Variants in MORC1 observed in about 807,000 individuals in gnomAD.
MORC1 encodes MORC family CW-type zinc finger 1, also known as MORC family CW-type zinc finger protein 1.
MORC1 carries 59 observed loss-of-function variants against 134.9 expected under a neutral mutation model. The ratio of observed to expected loss-of-function variants is 0.44; its 90% CI spans 0.35 to 0.54. The LOEUF is 0.54. MORC1 is among the 20% of genes least tolerant of loss of function. The pLI is 0.00. For missense variants in MORC1, 947 were observed against 1,134.5 expected, an observed-to-expected ratio of 0.83 and a Z score of 2.37; for synonymous variants, 395 against 391.7, an observed-to-expected ratio of 1.01 and a Z score of -0.10.
At chr3:108,971,021 A>C (rs1465392714) in intron 25 of MORC1, among the ~76,000 whole-genome samples, 1 of 152,184 alleles carries the variant, frequency 6.6e-6, no homozygotes, top group Non-Finnish European at 1.5e-5. Context: ...CATAAGAAGC[A>C]GCTGAGGAGA....
intron 17 of MORC1, among the ~76,000 whole-genome samples, chr3:109,020,147 C>CAAACA (rs921286189): frequency 9.9e-5 from 15 of 152,126 alleles, no homozygotes; most frequent in African/African-American, 2.9e-4. Context: ...ACCTCAGGCT[C>CAAACA]AAACAAAACA....
At chr3:109,100,294 C>T in intron 5 of MORC1, 123 bp downstream of exon 5, 4 of 745,020 alleles carry the variant, frequency 5.4e-6, no homozygotes, top group South Asian at 5.0e-5. Flanking sequence ...AAGTAGGTCA[C>T]CCCTGCCTCA....
At chr3:109,029,662 C>A (rs1949190453) in intron 16 of MORC1, among the ~76,000 whole-genome samples, 11 of 152,150 alleles carry the variant, frequency 7.2e-5, no homozygotes, top group Admixed American at 7.2e-4. Flanking sequence ...TATAGCCTCC[C>A]TCTGTGCTTG....
At chr3:108,987,809 G>T (rs1336687492) in intron 21 of MORC1, among the ~76,000 whole-genome samples, 2 of 151,966 alleles carry the variant, frequency 1.3e-5, no homozygotes, top group Non-Finnish European at 2.9e-5. Flanking sequence ...TGCCTGCGGG[G>T]AAAGACACCC....
chr3:109,069,426 G>A (rs1375095952), intron 9 of MORC1, among the ~76,000 whole-genome samples: 1 of 152,152 alleles, frequency 6.6e-6, no homozygotes, highest in Non-Finnish European at 1.5e-5. Context: ...AACTTAGCAT[G>A]CTCACTGCAG....
intron 14 of MORC1, among the ~76,000 whole-genome samples, chr3:109,051,668 ATATG>A (rs932570992): frequency 3.0e-4 from 45 of 152,170 alleles, no homozygotes; most frequent in Non-Finnish European, 6.0e-4. Flanking sequence ...TGGGAAAACA[ATATG>A]TTATCAAACA....
rs1365032068 is a variant in MORC1 at position 108,995,973 on chromosome 3, A to G, written c.2187+4584T>C. Among the ~76,000 whole-genome samples, 5 of 152,148 alleles carry G rather than the reference A, an allele frequency of 3.3e-5. No homozygotes were observed. The East Asian group carries it at 9.6e-4, about 29-fold the overall frequency. Reference sequence around the variant, plus strand: ...CAAGTGGAATGGGGTGATTGAATTCATGTAGGGGACAGTTATGAAGGTGGG... The same window carrying G: ...CAAGTGGAATGGGGTGATTGAATTCGTGTAGGGGACAGTTATGAAGGTGGG... On this transcript the variant is annotated intron_variant, in intron 21 of 27. Coordinates refer to ENST00000232603, the MANE Select transcript of MORC1 (RefSeq NM_014429.4).
chr3:109,040,353 T>TGAAAGAATGAAAGAAAGAAA (rs1553753592), intron 14 of MORC1, among the ~76,000 whole-genome samples: 23 of 28,226 alleles, frequency 8.1e-4, no homozygotes, highest in South Asian at 3.7e-3. Flanking sequence ...CTCAAAGAAC[T>TGAAAGAATGAAAGAAAGAAA]GAAAGAAAGA....
chr3:108,997,009 CAAAAAAAAAAAAAA>C (rs36087713), intron 21 of MORC1, among the ~76,000 whole-genome samples: 2 of 31,542 alleles, frequency 6.3e-5, no homozygotes, highest in African/African-American at 1.2e-4. Flanking sequence ...GACTCTGTCT[CAAAAAAAAAAAAAA>C]AAAAAAAAAA....
chr3:109,002,265 G>A (rs1472469764), intron 20 of MORC1, among the ~76,000 whole-genome samples: 6 of 152,220 alleles, frequency 3.9e-5, no homozygotes, highest in South Asian at 2.1e-4. Context: ...AAAACACAAC[G>A]CAGTCAGGCA....
intron 15 of MORC1, 151 bp from the exon 16 acceptor site, chr3:109,032,976 TC>T (rs1576655621): frequency 1.6e-6 from 1 of 631,694 alleles, no homozygotes; most frequent in East Asian, 2.9e-5. Flanking sequence ...TGATGACACA[TC>T]TATTCTAGGG....
At chr3:108,986,992 G>C in intron 21 of MORC1, 43 bp from the exon 22 acceptor site, 1 of 1,433,888 alleles carries the variant, frequency 7.0e-7, no homozygotes. Context: ...AAAAACATAG[G>C]ACATATTATA....
chr3:108,964,784 C>G (rs1947173005), intron 26 of MORC1, among the ~76,000 whole-genome samples: 1 of 152,156 alleles, frequency 6.6e-6, no homozygotes, highest in African/African-American at 2.4e-5. Context: ...ACATAAGGAC[C>G]TTGTGCCCCC....
chr3:108,986,834 A>G, intron 22 of MORC1, 46 bp downstream of exon 22: 1 of 1,305,508 alleles, frequency 7.7e-7, no homozygotes, highest in Non-Finnish European at 1.0e-6. Context: ...AATGTCTCAA[A>G]CATTATAGCT....
In MORC1 at chr3:109,028,529, G is replaced by A. The variant is rs148587188; in HGVS notation, c.1566-640C>T. The stretch of plus-strand genomic sequence containing the variant: ...GATATGCTGTTCTAATAACTTGTGG[G>A]TTAGTAAATACATAATAATGTAGGA... On this transcript the variant is annotated intron_variant, in intron 16 of 27. Transcript: ENST00000232603. Among the ~76,000 whole-genome samples, 777 of 152,188 alleles carry A rather than the reference G, an allele frequency of 5.1e-3. 18 individuals are homozygous for A. Among genetic ancestry groups the A allele is most frequent in the African/African-American group, 0.018 (746 of 41,520 alleles).
intron 13 of MORC1, among the ~76,000 whole-genome samples, chr3:109,056,773 G>A (rs572821325): frequency 6.6e-6 from 1 of 152,264 alleles, no homozygotes; most frequent in Non-Finnish European, 1.5e-5. Context: ...CCATTCTATT[G>A]GTCATGATTA....
chr3:109,035,300 C>T (rs775796577), intron 15 of MORC1, 40 bp downstream of exon 15: 3 of 1,538,672 alleles, frequency 1.9e-6, no homozygotes, highest in Admixed American at 2.0e-5. Context: ...TATTTAAGAG[C>T]CCTTAACATT....
chr3:109,011,205 A>G (rs970261521), intron 17 of MORC1, among the ~76,000 whole-genome samples: 8 of 152,232 alleles, frequency 5.3e-5, no homozygotes, highest in Non-Finnish European at 1.0e-4. Context: ...ACACAGTGAG[A>G]CCACATCTCA....
chr3:108,978,120 G>GC (rs1947614213), intron 24 of MORC1, among the ~76,000 whole-genome samples: 1 of 151,812 alleles, frequency 6.6e-6, no homozygotes, highest in South Asian at 2.1e-4. Context: ...CTCATGATCC[G>GC]CCCACCTCGG....
Sources: allele counts gnomAD v4.1 joint callset (sites outside exome capture counted in the v4.1 genomes callset), GRCh38; gene constraint gnomAD v4.1.1; transcripts MANE v1.5; gene names NCBI Gene and HGNC (gene_info 2026-07-23, HGNC 2026-07-21).